PBX1: variants seen among roughly 807,000 people sequenced by gnomAD.
PBX1 encodes pre-B-cell leukemia transcription factor 1.
A neutral mutation model predicts 53.4 loss-of-function variants in PBX1; 6 were observed. The observed-to-expected ratio is 0.11, with a 90% CI of 0.06 to 0.22. The LOEUF (loss-of-function observed/expected upper bound fraction) is 0.22. Among genes scored for constraint, PBX1 ranks in the 10% least tolerant of loss-of-function variants. PBX1 has a pLI of 1.00. For missense variants in PBX1, 251 were observed against 551.4 expected (o/e 0.46, Z 5.46); for synonymous variants, 204 against 212.3 (o/e 0.96, Z 0.34).
chr1:164,622,119 T>C (rs1045446459), intron 2 of PBX1, among the ~76,000 whole-genome samples: 8 of 152,200 alleles, frequency 5.3e-5, no homozygotes, highest in Admixed American at 1.3e-4. Flanking sequence ...GAGTATACTC[T>C]TCTTTCCGTG....
At position 164,846,907 on chromosome 1, in the gene PBX1, C is replaced by CA; in HGVS notation, c.*232dup. ...GGTAGAAGCCACCCTTCCCTGCCTC[C>CA]AGCTGTCAGCCTGGTTTTCGTCATC... On this transcript the variant is annotated 3_prime_UTR_variant, in exon 9 of 9. Transcript: ENST00000420696. The CA allele has an allele frequency of 7.3e-7, 1 of 1,373,978 alleles. No homozygotes were observed. Among genetic ancestry groups the CA allele is most frequent in the Non-Finnish European group, 9.4e-7 (1 of 1,062,536 alleles). 85.1% of individuals were successfully genotyped at this position (1,373,978 alleles called of 1,614,324 possible).
intron 2 of PBX1, among the ~76,000 whole-genome samples, chr1:164,882,927 A>C (rs542739055): frequency 6.6e-6 from 1 of 152,334 alleles, no homozygotes; most frequent in Non-Finnish European, 1.5e-5. Flanking sequence ...ATCTGCAGAC[A>C]AGAACGTTAA....
intron 2 of PBX1, among the ~76,000 whole-genome samples, chr1:164,752,751 G>A (rs940108480): frequency 2.0e-5 from 3 of 152,164 alleles, no homozygotes; most frequent in African/African-American, 7.2e-5. Context: ...ATGTGGATAG[G>A]AGTGCAGTGA....
At chr1:164,880,018 T>G (rs1672608697) in intron 2 of PBX1, among the ~76,000 whole-genome samples, 1 of 152,182 alleles carries the variant, frequency 6.6e-6, no homozygotes, top group South Asian at 2.1e-4. Context: ...GAAATCTGAA[T>G]AAACCGTTGT....
At chr1:164,734,811 A>G (rs981806725) in intron 2 of PBX1, among the ~76,000 whole-genome samples, 3 of 152,186 alleles carry the variant, frequency 2.0e-5, no homozygotes, top group Non-Finnish European at 2.9e-5. Flanking sequence ...TGGTACTGTG[A>G]TCTGGAGAGG....
At chr1:164,583,894 C>G (rs896740993) in intron 2 of PBX1, among the ~76,000 whole-genome samples, 2 of 152,162 alleles carry the variant, frequency 1.3e-5, no homozygotes, top group African/African-American at 4.8e-5. Flanking sequence ...AGCTCTTGAT[C>G]AGGCCCTTGA....
chr1:164,805,454 A>G (rs966525648), intron 4 of PBX1, among the ~76,000 whole-genome samples: 18 of 152,190 alleles, frequency 1.2e-4, no homozygotes, highest in African/African-American at 4.3e-4. Context: ...TGCACATCAC[A>G]AGGAGAGAAG....
At chr1:164,675,434 T>A (rs904430218) in intron 2 of PBX1, among the ~76,000 whole-genome samples, 11 of 152,158 alleles carry the variant, frequency 7.2e-5, no homozygotes, top group Non-Finnish European at 1.3e-4. Context: ...TAATCATGTT[T>A]GTCTGTCTTC....
At chr1:164,785,093 C>T (rs1028099285) in intron 2 of PBX1, among the ~76,000 whole-genome samples, 2 of 152,142 alleles carry the variant, frequency 1.3e-5, no homozygotes, top group African/African-American at 4.8e-5. Context: ...CTGAAGAGGC[C>T]GCTCCAGGCC....
intron 2 of PBX1, among the ~76,000 whole-genome samples, chr1:164,715,766 G>A (rs1216454566): frequency 6.6e-6 from 1 of 152,106 alleles, no homozygotes; most frequent in Non-Finnish European, 1.5e-5. Flanking sequence ...CTATTTCTCT[G>A]ACTCAGAAGT....
intron 4 of PBX1, 41 bp from the exon 5 acceptor site, chr1:164,807,501 G>A (rs778893379): frequency 6.9e-6 from 11 of 1,599,788 alleles, no homozygotes; most frequent in East Asian, 6.7e-5. Context: ...TATTTATTTG[G>A]TGTGAGCCTT....
At chr1:164,876,471 T>C (rs932757495) in intron 2 of PBX1, among the ~76,000 whole-genome samples, 8 of 151,438 alleles carry the variant, frequency 5.3e-5, no homozygotes, top group Non-Finnish European at 1.0e-4. Context: ...TGCAGGGATA[T>C]TGAAAGGAGA....
rs1416071081 is a variant in PBX1 at position 164,603,628 on chromosome 1, A to G, written c.265+40317A>G. Reference sequence around the variant, plus strand: ...CATCAAAGTACTGCATTATTTTTAGATAACAGACTTTTCAGTTTGTTTAAG... The same window carrying G: ...CATCAAAGTACTGCATTATTTTTAGGTAACAGACTTTTCAGTTTGTTTAAG... On this transcript the variant is annotated intron_variant, in intron 2 of 8. Coordinates refer to ENST00000420696, the MANE Select transcript of PBX1 (RefSeq NM_002585.4). Among the ~76,000 whole-genome samples the G allele has an allele frequency of 4.7e-4, 72 of 152,224 alleles. 2 individuals carry two copies. The highest frequency in any genetic ancestry group is 4.6e-3 in the Admixed American group (71 of 15,282).
intron 2 of PBX1, among the ~76,000 whole-genome samples, chr1:164,871,151 A>T (rs2102454684): frequency 6.6e-6 from 1 of 152,332 alleles, no homozygotes; most frequent in South Asian, 2.1e-4. Context: ...CATCTTGTTT[A>T]GTCTAAAACT....
At chr1:164,823,394 T>TGTAAG (rs1553251156) in intron 8 of PBX1, among the ~76,000 whole-genome samples, 1 of 151,354 alleles carries the variant, frequency 6.6e-6, no homozygotes, top group South Asian at 2.1e-4. Context: ...CTTTTTGGGA[T>TGTAAG]ATAAGTTTTT....
intron 2 of PBX1, among the ~76,000 whole-genome samples, chr1:164,664,568 G>A (rs1257357910): frequency 6.6e-6 from 1 of 152,210 alleles, no homozygotes; most frequent in Non-Finnish European, 1.5e-5. Flanking sequence ...CCTATCATAT[G>A]AGACAAGTCC....
At chr1:164,726,668 G>C (rs976319139) in intron 2 of PBX1, among the ~76,000 whole-genome samples, 4 of 152,224 alleles carry the variant, frequency 2.6e-5, no homozygotes, top group Non-Finnish European at 5.9e-5. Flanking sequence ...TCTTTAGAAA[G>C]TCTTCTGGGA....
At chr1:164,636,144 T>TTC (rs1227186045) in intron 2 of PBX1, among the ~76,000 whole-genome samples, 2 of 148,166 alleles carry the variant, frequency 1.3e-5, no homozygotes, top group African/African-American at 4.9e-5. Context: ...CCCAGCATCT[T>TTC]TCTCTCTCTC....
Position 164,559,425 on chromosome 1 carries a change from G to A in PBX1, c.-398G>A. On this transcript the variant is annotated 5_prime_UTR_variant, in exon 1 of 9. Coordinates refer to ENST00000420696, the MANE Select transcript of PBX1 (RefSeq NM_002585.4). ...CCCGATCAATGCATATTTGCAAAAGGATTAAGCCACAGATTTAAGCGCCGG... is the reference window on the plus strand; with the variant it reads ...CCCGATCAATGCATATTTGCAAAAGAATTAAGCCACAGATTTAAGCGCCGG... 1 of 245,452 alleles carries A rather than the reference G, an allele frequency of 4.1e-6. No individual in the cohort carries two copies. Among genetic ancestry groups the A allele is most frequent in the African/African-American group, 2.2e-5 (1 of 45,810 alleles). The allele number at this position is 245,452 out of a possible 1,614,324, so 15.2% of individuals were successfully genotyped here. A position where few individuals can be genotyped will look rare whatever the true frequency, so the allele number is the denominator to read the frequency against.
Sources: gnomAD v4.1 joint callset for allele counts (sites outside exome capture counted in the v4.1 genomes callset) on GRCh38, gnomAD v4.1.1 for gene constraint, MANE v1.5 for transcripts, NCBI Gene and HGNC (gene_info 2026-07-23, HGNC 2026-07-21) for gene names.